AK8: variants seen among roughly 807,000 people sequenced by gnomAD.
The protein encoded by AK8 is ATP-AMP transphosphorylase 8.
AK8 carries 44 observed loss-of-function variants against 54.6 expected under a neutral mutation model. The observed-to-expected ratio is 0.81, with a 90% CI of 0.63 to 1.04. AK8 has a LOEUF of 1.04. AK8 is among the 50% of genes least tolerant of loss of function. The pLI is 0.00. For synonymous variants in AK8, 239 were observed against 245.6 expected (o/e 0.97, Z 0.25); for missense variants, 555 against 613.6 (o/e 0.90, Z 1.01).
chr9:132,843,961 G>T (rs1400824330), intron 5 of AK8, among the ~76,000 whole-genome samples: 2 of 152,190 alleles, frequency 1.3e-5, no homozygotes, highest in Non-Finnish European at 2.9e-5. Flanking sequence ...GATGGATCAG[G>T]TTCCAAATAA....
chr9:132,815,092 C>T (rs922501382), intron 9 of AK8, among the ~76,000 whole-genome samples: 1 of 152,194 alleles, frequency 6.6e-6, no homozygotes, highest in Non-Finnish European at 1.5e-5. Context: ...GGAGGATCAG[C>T]GTTCTGGCCG....
chr9:132,789,665 C>T (rs1839867128), intron 11 of AK8, among the ~76,000 whole-genome samples: 1 of 151,480 alleles, frequency 6.6e-6, no homozygotes. Flanking sequence ...TTATTATCTC[C>T]CAGTTTCTGT....
intron 10 of AK8, 109 bp from the exon 11 acceptor site, chr9:132,792,884 G>A (rs1475858848): frequency 7.3e-7 from 1 of 1,364,492 alleles, no homozygotes; most frequent in East Asian, 2.6e-5. Context: ...GTGGGTCTAG[G>A]TGGAGCCACT....
At chr9:132,855,415 C>T (rs1843137830) in intron 4 of AK8, among the ~76,000 whole-genome samples, 1 of 152,190 alleles carries the variant, frequency 6.6e-6, no homozygotes, top group South Asian at 2.1e-4. Context: ...CTCTGGACTC[C>T]AGACAGTGGC....
intron 8 of AK8, among the ~76,000 whole-genome samples, chr9:132,824,683 T>C (rs1841801331): frequency 6.6e-6 from 1 of 152,180 alleles, no homozygotes; most frequent in Non-Finnish European, 1.5e-5. Flanking sequence ...CTGCCCCCGA[T>C]TGTGAACCGC....
intron 5 of AK8, among the ~76,000 whole-genome samples, chr9:132,844,279 A>T (rs1350203135): frequency 4.0e-5 from 6 of 149,734 alleles, no homozygotes; most frequent in African/African-American, 1.5e-4. Context: ...AAAATTCTTC[A>T]AAGAGACTGC....
At chr9:132,760,135 T>G (rs1838383418) in intron 11 of AK8, among the ~76,000 whole-genome samples, 1 of 152,154 alleles carries the variant, frequency 6.6e-6, no homozygotes, top group Non-Finnish European at 1.5e-5. Flanking sequence ...GGCTTATACA[T>G]CTTTCATTGT....
chr9:132,841,950 G>A (rs1349034314), intron 5 of AK8, among the ~76,000 whole-genome samples: 7 of 152,118 alleles, frequency 4.6e-5, no homozygotes, highest in African/African-American at 1.7e-4. Context: ...TCCCAAGGGG[G>A]GACCTCCACC....
At chr9:132,740,272 A>G (rs1292049078) in intron 11 of AK8, among the ~76,000 whole-genome samples, 3 of 152,214 alleles carry the variant, frequency 2.0e-5, no homozygotes, top group Non-Finnish European at 4.4e-5. Flanking sequence ...TGTAATCCTC[A>G]CAACACCCAA....
intron 11 of AK8, among the ~76,000 whole-genome samples, chr9:132,786,268 T>G (rs540699253): frequency 1.3e-5 from 2 of 152,224 alleles, no homozygotes; most frequent in African/African-American, 4.8e-5. Flanking sequence ...CCCAGCTGAG[T>G]GAATGTCTCT....
intron 11 of AK8, among the ~76,000 whole-genome samples, chr9:132,782,967 T>C: frequency 6.6e-6 from 1 of 152,212 alleles, no homozygotes; most frequent in East Asian, 1.9e-4. Context: ...ATTCTAACTT[T>C]GGGAAAGGCA....
rs934634827 is a variant in AK8 at position 132,878,056 on chromosome 9, C to A, written c.84+116G>T. 2.6e-6 allele frequency: 4 copies of A among 1,535,938 alleles called. No homozygotes were observed. The African/African-American group carries it at 5.5e-5, about 21-fold the overall frequency. On this transcript the variant is annotated intron_variant, in intron 1 of 12. Transcript: ENST00000298545. The surrounding 1 kb of genome is among the most constrained non-coding windows in gnomAD (Gnocchi z 4.7). ...CACGAATCGTACATCCCGAGTTGGG[C>A]TGCTTCGTGGGCGCGCGACTCGGCC...
At chr9:132,820,926 A>C (rs368272298) in intron 9 of AK8, among the ~76,000 whole-genome samples, 2 of 152,210 alleles carry the variant, frequency 1.3e-5, no homozygotes, top group Non-Finnish European at 2.9e-5. Context: ...ATCTCATGAC[A>C]TCTTGTATTT....
At chr9:132,838,143 G>A (rs780198829) in intron 5 of AK8, among the ~76,000 whole-genome samples, 1 of 152,158 alleles carries the variant, frequency 6.6e-6, no homozygotes. Flanking sequence ...CAAACAGCTG[G>A]TGGTTCTGTG....
intron 5 of AK8, among the ~76,000 whole-genome samples, chr9:132,830,035 G>A (rs893592233): frequency 3.3e-5 from 5 of 152,234 alleles, no homozygotes; most frequent in East Asian, 1.9e-4. Flanking sequence ...CTTTTTTCCC[G>A]GTGGCTGGGG....
intron 5 of AK8, among the ~76,000 whole-genome samples, chr9:132,850,105 G>C (rs1208654928): frequency 6.9e-6 from 1 of 145,650 alleles, no homozygotes; most frequent in Non-Finnish European, 1.5e-5. Flanking sequence ...CCAGGCTGGA[G>C]TGCAGTGGCG....
At chr9:132,828,420 T>C (rs1841969350) in intron 6 of AK8, among the ~76,000 whole-genome samples, 1 of 152,258 alleles carries the variant, frequency 6.6e-6, no homozygotes, top group South Asian at 2.1e-4. Context: ...ATTTCCTTCC[T>C]GAGACAAGGA....
intron 2 of AK8, among the ~76,000 whole-genome samples, chr9:132,872,522 T>C (rs996556153): frequency 2.0e-5 from 3 of 152,142 alleles, no homozygotes; most frequent in Non-Finnish European, 4.4e-5. Context: ...CAGTGGGTAT[T>C]CAAGATGAAG....
At chr9:132,789,509 A>G (rs1839854858) in intron 11 of AK8, among the ~76,000 whole-genome samples, 1 of 144,728 alleles carries the variant, frequency 6.9e-6, no homozygotes. Flanking sequence ...AGGCAGGAGA[A>G]TCACTTGAAC....
Sources: gnomAD v4.1 joint callset for allele counts (sites outside exome capture counted in the v4.1 genomes callset) on GRCh38, gnomAD v4.1.1 for gene constraint, Gnocchi (gnomAD v3.1) non-coding constraint, MANE v1.5 for transcripts, NCBI Gene and HGNC (gene_info 2026-07-23, HGNC 2026-07-21) for gene names.